Variants in FBXL20 observed in about 807,000 individuals in gnomAD.
The protein encoded by FBXL20 is F-box/LRR-repeat protein 20.
In FBXL20, 11 loss-of-function variants were observed where a neutral mutation model predicts 64.0. The ratio of observed to expected loss-of-function variants is 0.17; its 90% CI spans 0.11 to 0.28. FBXL20 has a LOEUF of 0.28. Among genes scored for constraint, FBXL20 ranks in the 10% least tolerant of loss-of-function variants. The pLI, the probability that FBXL20 is intolerant of heterozygous loss-of-function variation, is 1.00. For missense variants in FBXL20, 303 were observed against 526.2 expected (o/e 0.58, Z 4.15); for synonymous variants, 184 against 189.0 (o/e 0.97, Z 0.22).
intron 2 of FBXL20, among the ~76,000 whole-genome samples, chr17:39,331,831 G>T (rs2047464261): frequency 6.6e-6 from 1 of 152,164 alleles, no homozygotes; most frequent in Admixed American, 6.5e-5. Flanking sequence ...GCCCTGCACT[G>T]TAATGGTTTG....
rs1567853191 is a variant in FBXL20 at position 39,260,164 on chromosome 17, A to G, written c.*1296T>C. On this transcript the variant is annotated 3_prime_UTR_variant, in exon 15 of 15. Transcript: ENST00000264658. ...CTGAAAGGCTGAAATGGGGGAAAAG[A>G]GAGAAACAGACTGGCTAGAATACAC... The G allele has an allele frequency of 2.0e-5, 3 of 152,136 alleles. No individual in the cohort carries two copies. Among genetic ancestry groups the G allele is most frequent in the African/African-American group, 4.8e-5 (2 of 41,418 alleles). 9.4% of individuals were successfully genotyped at this position (152,136 alleles called of 1,614,324 possible).
intron 9 of FBXL20, among the ~76,000 whole-genome samples, chr17:39,278,964 G>A (rs1178669678): frequency 1.3e-5 from 2 of 151,172 alleles, no homozygotes; most frequent in African/African-American, 2.4e-5. Flanking sequence ...GAGCAGCCTG[G>A]CCAACATGGC....
At chr17:39,386,549 G>A (rs549151654) in intron 1 of FBXL20, among the ~76,000 whole-genome samples, 12 of 151,892 alleles carry the variant, frequency 7.9e-5, no homozygotes, top group South Asian at 6.2e-4. Flanking sequence ...GCTTGAACCC[G>A]GGAGGCGGAG....
At chr17:39,291,373 G>A (rs889994349) in intron 6 of FBXL20, among the ~76,000 whole-genome samples, 5 of 150,990 alleles carry the variant, frequency 3.3e-5, no homozygotes, top group African/African-American at 1.2e-4. Flanking sequence ...AGGGAGGAGA[G>A]AGGAGAGACT....
At chr17:39,277,368 T>A (rs2046907665) in intron 9 of FBXL20, among the ~76,000 whole-genome samples, 1 of 152,198 alleles carries the variant, frequency 6.6e-6, no homozygotes, top group Admixed American at 6.6e-5. Flanking sequence ...CACACAATAT[T>A]AGAAAAGTAC....
intron 2 of FBXL20, among the ~76,000 whole-genome samples, chr17:39,330,738 A>G (rs1167536582): frequency 6.6e-6 from 1 of 152,130 alleles, no homozygotes; most frequent in Non-Finnish European, 1.5e-5. Flanking sequence ...TACTCTAGAG[A>G]GTGTTTTTAT....
rs2046720417 is a variant in FBXL20 at position 39,258,945 on chromosome 17, G to A, written c.*2515C>T. The A allele has an allele frequency of 6.6e-6, 1 of 152,056 alleles. No individual in the cohort carries two copies. The highest frequency in any genetic ancestry group is 6.6e-5 in the Admixed American group (1 of 15,242). 9.4% of individuals were successfully genotyped at this position (152,056 alleles called of 1,614,324 possible). ...TGTTAAAAACTATATTCCTTATAAG[G>A]TAATCTGAAAGAGAATAAGGGGAAA... On this transcript the variant is annotated 3_prime_UTR_variant, in exon 15 of 15. Coordinates refer to ENST00000264658, the MANE Select transcript of FBXL20 (RefSeq NM_032875.3).
intron 1 of FBXL20, among the ~76,000 whole-genome samples, chr17:39,373,909 C>T (rs931146241): frequency 2.6e-5 from 4 of 152,134 alleles, no homozygotes; most frequent in African/African-American, 9.7e-5. Context: ...AAGTCACAGA[C>T]ATCACCACAT....
intron 1 of FBXL20, among the ~76,000 whole-genome samples, chr17:39,362,971 C>T (rs1052846407): frequency 2.6e-5 from 4 of 151,542 alleles, no homozygotes; most frequent in African/African-American, 9.7e-5. Flanking sequence ...ATTAAATGTC[C>T]TTTACATCCC....
chr17:39,350,479 A>C (rs1419295725), intron 1 of FBXL20, among the ~76,000 whole-genome samples: 2 of 149,832 alleles, frequency 1.3e-5, no homozygotes, highest in Non-Finnish European at 3.0e-5. Flanking sequence ...ACAGAGCTAG[A>C]CTCCTTCTCG....
chr17:39,261,577 G>A lies in FBXL20; in HGVS notation c.1204-10C>T, dbSNP rs750434032. 13 of 1,587,364 alleles carry A rather than the reference G, an allele frequency of 8.2e-6. No individual in the cohort carries two copies. In the South Asian group the frequency reaches 1.3e-4, roughly 16 times the overall value. Reference sequence around the variant, plus strand: ...TATTGGGTAAATGGGTCTGAAACAAGACAGAAACATTAAACGTTTAAGAGA... The same window carrying A: ...TATTGGGTAAATGGGTCTGAAACAAAACAGAAACATTAAACGTTTAAGAGA... On this transcript the variant is annotated splice_polypyrimidine_tract_variant and intron_variant, in intron 14 of 14. Coordinates refer to ENST00000264658, the MANE Select transcript of FBXL20 (RefSeq NM_032875.3).
chr17:39,368,235 A>C (rs2047880871), intron 1 of FBXL20, among the ~76,000 whole-genome samples: 1 of 152,070 alleles, frequency 6.6e-6, no homozygotes, highest in South Asian at 2.1e-4. Flanking sequence ...CAAAACAATA[A>C]AATAAAATTA....
At chr17:39,345,666 G>C (rs540718026) in intron 1 of FBXL20, among the ~76,000 whole-genome samples, 3 of 152,010 alleles carry the variant, frequency 2.0e-5, no homozygotes, top group Non-Finnish European at 4.4e-5. Context: ...TCAGCCTCCT[G>C]AGTAGCTGGG....
In FBXL20 at chr17:39,264,194, G is replaced by A; in HGVS notation, c.1184C>T (p.Ala395Val). 1.2e-6 allele frequency: 2 copies of A among 1,614,188 alleles called. No individual in the cohort carries two copies. Among genetic ancestry groups the A allele is most frequent in the East Asian group, 2.2e-5 (1 of 44,890 alleles). The change falls in exon 14 of 15, where the codon GCT (alanine) becomes GTT (valine). Residue 395 changes from alanine to valine, a missense_variant. By Grantham distance (64) the Ala-to-Val change is moderately conservative. Transcript: ENST00000264658. ...ELYDCQQITR[A>V]GIKRLRTHLP... ...TTTTACCCTGAGTCTCTTGATTCCA[G>A]CCCGTGTGATTTGCTGGCAGTCATA...
chr17:39,343,695 CTTT>C (rs66827882), intron 1 of FBXL20, among the ~76,000 whole-genome samples: 9 of 134,562 alleles, frequency 6.7e-5, no homozygotes, highest in Non-Finnish European at 8.1e-5. Flanking sequence ...GGCGAAAACT[CTTT>C]TTTTTTTTTT....
In FBXL20 at chr17:39,363,954, A is replaced by T. The variant is rs1429309933; in HGVS notation, c.43-20713T>A. On this transcript the variant is annotated intron_variant, in intron 1 of 14. Transcript: ENST00000264658. ...GCCCAGGCTGGAATGCAGTGACGCG[A>T]TCTCAGCTCGCTGCAACTTCCACCT... Among the ~76,000 whole-genome samples the T allele has an allele frequency of 4.6e-5, 6 of 129,388 alleles. No homozygotes were observed. The South Asian group carries it at 1.2e-3, about 26-fold the overall frequency. The allele number at this position is 129,388 out of a possible 152,430, so 84.9% of individuals were successfully genotyped here. A position where few individuals can be genotyped will look rare whatever the true frequency, so the allele number is the denominator to read the frequency against.
chr17:39,302,775 G>C (rs1182261529), intron 3 of FBXL20, among the ~76,000 whole-genome samples: 1 of 152,156 alleles, frequency 6.6e-6, no homozygotes, highest in Non-Finnish European at 1.5e-5. Flanking sequence ...CTCCCAAAAT[G>C]AAGGGATTAT....
At chr17:39,335,970 A>G (rs533897628) in intron 2 of FBXL20, among the ~76,000 whole-genome samples, 39 of 152,268 alleles carry the variant, frequency 2.6e-4, no homozygotes, top group South Asian at 2.5e-3. Flanking sequence ...GTGAGTCCCC[A>G]TCTCTACAAA....
At chr17:39,331,423 A>G (rs2047460252) in intron 2 of FBXL20, among the ~76,000 whole-genome samples, 1 of 151,980 alleles carries the variant, frequency 6.6e-6, no homozygotes, top group South Asian at 2.1e-4. Flanking sequence ...TTTTTTGTAG[A>G]TACAGGCTAC....
Sources: allele counts gnomAD v4.1 joint callset (sites outside exome capture counted in the v4.1 genomes callset), GRCh38; gene constraint gnomAD v4.1.1; transcripts MANE v1.5; gene names NCBI Gene and HGNC (gene_info 2026-07-23, HGNC 2026-07-21).